CDH18: variants seen among roughly 807,000 people sequenced by gnomAD.
CDH18 encodes the protein cadherin-18.
A neutral mutation model predicts 67.9 loss-of-function variants in CDH18; 31 were observed. That is an observed-to-expected ratio of 0.46 (90% CI 0.34 to 0.62). The LOEUF is 0.62. Ranked by LOEUF, CDH18 falls within the 20% of genes least tolerant of loss-of-function variation. The pLI is 0.01. For synonymous variants in CDH18, 362 were observed against 347.2 expected (o/e 1.04, Z -0.48); for missense variants, 890 against 975.5 (o/e 0.91, Z 1.17).
chr5:19,532,117 T>G (rs1293581389), intron 9 of CDH18, among the ~76,000 whole-genome samples: 2 of 152,184 alleles, frequency 1.3e-5, no homozygotes, highest in African/African-American at 4.8e-5. Context: ...AGTGATGTAT[T>G]CTGAGGCATT....
chr5:19,624,018 T>TATTATG lies in CDH18; in HGVS notation c.644-11418_644-11417insCATAAT, dbSNP rs1554062541. On this transcript the variant is annotated intron_variant, in intron 5 of 12. Coordinates refer to ENST00000382275, the MANE Select transcript of CDH18 (RefSeq NM_004934.5). ...TTATTATTATTATTATTATTATTATTATTATTGAGATGGAGTTTCACTCTT... is the reference window on the plus strand; with the variant it reads ...TTATTATTATTATTATTATTATTATTATTATGATTATTGAGATGGAGTTTCACTCTT... Among the ~76,000 whole-genome samples, 25 of 148,356 alleles carry TATTATG rather than the reference T, an allele frequency of 1.7e-4. No individual in the cohort carries two copies. In the East Asian group the frequency reaches 3.9e-3, roughly 23 times the overall value.
chr5:20,401,255 C>T (rs950404105), intron 1 of CDH18, among the ~76,000 whole-genome samples: 2 of 151,970 alleles, frequency 1.3e-5, no homozygotes, highest in South Asian at 2.1e-4. Context: ...CTTAAGTAGT[C>T]GAAATAATGA....
intron 2 of CDH18, among the ~76,000 whole-genome samples, chr5:20,245,757 T>C (rs1743327153): frequency 6.6e-6 from 1 of 152,124 alleles, no homozygotes; most frequent in Admixed American, 6.6e-5. Context: ...TGTAGAGCAC[T>C]ATTGTAGCAC....
intron 2 of CDH18, among the ~76,000 whole-genome samples, chr5:19,871,295 A>G (rs1786251125): frequency 6.6e-6 from 1 of 152,204 alleles, no homozygotes; most frequent in Non-Finnish European, 1.5e-5. Context: ...TAGCAAATAA[A>G]AAGCTGAGCA....
At chr5:19,726,876 C>G (rs1369838228) in intron 4 of CDH18, among the ~76,000 whole-genome samples, 1 of 152,082 alleles carries the variant, frequency 6.6e-6, no homozygotes, top group Non-Finnish European at 1.5e-5. Flanking sequence ...GAGCAGATCC[C>G]TCTTTATTAA....
chr5:19,610,501 A>G (rs1445902894), intron 6 of CDH18, among the ~76,000 whole-genome samples: 2 of 149,018 alleles, frequency 1.3e-5, no homozygotes, highest in African/African-American at 4.9e-5. Flanking sequence ...AATGGAGAAA[A>G]AGAGAGAGTG....
chr5:20,240,480 A>AGAT (rs770185414), intron 2 of CDH18, among the ~76,000 whole-genome samples: 3 of 152,222 alleles, frequency 2.0e-5, no homozygotes, highest in Non-Finnish European at 4.4e-5. Flanking sequence ...CAGACTTGAT[A>AGAT]GATTACTAAT....
At chr5:19,594,367 G>T (rs1346047787) in intron 6 of CDH18, among the ~76,000 whole-genome samples, 1 of 152,056 alleles carries the variant, frequency 6.6e-6, no homozygotes, top group Non-Finnish European at 1.5e-5. Context: ...TGGCCAGACT[G>T]GTCTTGAACT....
chr5:19,642,082 A>G (rs1467677226), intron 5 of CDH18, among the ~76,000 whole-genome samples: 4 of 152,020 alleles, frequency 2.6e-5, no homozygotes, highest in African/African-American at 9.7e-5. Context: ...AAGAGACAAT[A>G]TTCACAAAAA....
chr5:19,505,573 A>C (rs1743994894), intron 10 of CDH18, among the ~76,000 whole-genome samples: 1 of 152,026 alleles, frequency 6.6e-6, no homozygotes, highest in African/African-American at 2.4e-5. Context: ...CTATTGATAT[A>C]ATCATGTGGT....
intron 3 of CDH18, among the ~76,000 whole-genome samples, chr5:19,790,725 G>T (rs1776268850): frequency 6.6e-6 from 1 of 152,144 alleles, no homozygotes; most frequent in African/African-American, 2.4e-5. Context: ...GATCAATCTG[G>T]ATGCTGGATA....
intron 2 of CDH18, among the ~76,000 whole-genome samples, chr5:19,965,580 T>C (rs889786198): frequency 9.2e-5 from 14 of 152,208 alleles, no homozygotes; most frequent in Non-Finnish European, 2.1e-4. Context: ...TAAAGTTGAA[T>C]CAGTGTGCTA....
chr5:19,507,146 A>G (rs1164418444), intron 10 of CDH18, among the ~76,000 whole-genome samples: 1 of 152,232 alleles, frequency 6.6e-6, no homozygotes, highest in Non-Finnish European at 1.5e-5. Context: ...CAAAAGACAC[A>G]TGAAAAAATG....
At chr5:20,324,078 C>A (rs1738301873) in intron 1 of CDH18, among the ~76,000 whole-genome samples, 1 of 152,172 alleles carries the variant, frequency 6.6e-6, no homozygotes, top group South Asian at 2.1e-4. Flanking sequence ...ATTTTAAAAT[C>A]AACTAGTTGT....
In CDH18 at chr5:20,459,715, T is replaced by C. The variant is rs537838212; in HGVS notation, c.-580+115747A>G. Among the ~76,000 whole-genome samples, 408 of 152,302 alleles carry C rather than the reference T, an allele frequency of 2.7e-3. 2 individuals are homozygous for C. The highest frequency in any genetic ancestry group is 9.4e-3 in the African/African-American group (392 of 41,562). On this transcript the variant is annotated intron_variant, in intron 1 of 14. Transcript: ENST00000507958. ...GCCAACAGTTTGGTGACTGAGCTAG[T>C]CCGACAGAAGTGCTCTGGAGTGCAG...
chr5:19,973,020 G>T (rs1487463105), intron 2 of CDH18, among the ~76,000 whole-genome samples: 2 of 151,618 alleles, frequency 1.3e-5, no homozygotes, highest in Non-Finnish European at 2.9e-5. Context: ...GTTAATAAAA[G>T]AAATGGCACA....
chr5:19,901,026 T>C (rs1054882418), intron 2 of CDH18, among the ~76,000 whole-genome samples: 2 of 152,170 alleles, frequency 1.3e-5, no homozygotes, highest in African/African-American at 4.8e-5. Context: ...TTAACTTCTC[T>C]GAGATTTAAC....
chr5:20,519,440 A>C (rs1168556273), intron 1 of CDH18, among the ~76,000 whole-genome samples: 1 of 152,054 alleles, frequency 6.6e-6, no homozygotes, highest in Non-Finnish European at 1.5e-5. Flanking sequence ...TGGACACAGG[A>C]AGGGGAACAT....
chr5:20,087,350 C>A (rs1028050574), intron 2 of CDH18, among the ~76,000 whole-genome samples: 1 of 151,926 alleles, frequency 6.6e-6, no homozygotes, highest in Non-Finnish European at 1.5e-5. Context: ...AAAGACTTAC[C>A]ATATTATATA....
Sources: allele counts gnomAD v4.1 joint callset (sites outside exome capture counted in the v4.1 genomes callset), GRCh38; gene constraint gnomAD v4.1.1; transcripts MANE v1.5; gene names NCBI Gene and HGNC (gene_info 2026-07-23, HGNC 2026-07-21).